The following CSMD1 variants were observed in gnomAD, a reference collection of about 807,000 sequenced individuals.
The protein encoded by CSMD1 is CUB and Sushi multiple domains 1.
In CSMD1, 213 loss-of-function variants were observed where a neutral mutation model predicts 417.5. The observed-to-expected ratio is 0.51, with a 90% CI of 0.46 to 0.57. The LOEUF is 0.57. Ranked by LOEUF, CSMD1 falls within the 20% of genes least tolerant of loss-of-function variation. The probability of loss-of-function intolerance (pLI) is 0.00; values close to 1 mark genes in which losing one functional copy is unlikely to be tolerated. For missense variants in CSMD1, 6,923 were observed against 4,529.7 expected (o/e 1.53, Z -15.17); for synonymous variants, 2,862 against 1,736.8 (o/e 1.65, Z -16.11).
chr8:4,034,463 T>C (rs1585174773), intron 3 of CSMD1, among the ~76,000 whole-genome samples: 1 of 152,218 alleles, frequency 6.6e-6, no homozygotes, highest in African/African-American at 2.4e-5. Context: ...AAATTCTGTA[T>C]TTAATTCCAC....
At chr8:3,158,412 TTGTC>T (rs1354252410) in intron 38 of CSMD1, among the ~76,000 whole-genome samples, 3 of 152,046 alleles carry the variant, frequency 2.0e-5, no homozygotes, top group African/African-American at 7.3e-5. Context: ...GCTTCGGTGG[TTGTC>T]TGTGCTTCCG....
At chr8:4,865,111 A>G (rs1287848130) in intron 1 of CSMD1, among the ~76,000 whole-genome samples, 1 of 151,788 alleles carries the variant, frequency 6.6e-6, no homozygotes, top group Non-Finnish European at 1.5e-5. Context: ...ATTATGTAAT[A>G]GTGATAAAAT....
In CSMD1 at chr8:4,810,292, A is replaced by G. The variant is rs367871499; in HGVS notation, c.86-172734T>C. ...TAATAAAATTCAAATTGATTTTCTC[A>G]TAGTCAAATTTAATATGTTCCTCAA... On this transcript the variant is annotated intron_variant, in intron 1 of 69. Coordinates refer to ENST00000635120, the MANE Select transcript of CSMD1 (RefSeq NM_033225.6). Among the ~76,000 whole-genome samples the G allele has an allele frequency of 2.4e-4, 36 of 152,332 alleles. No homozygotes were observed. In the East Asian group the frequency reaches 5.6e-3, roughly 24 times the overall value.
chr8:3,421,235 A>C (rs534968108), intron 12 of CSMD1, among the ~76,000 whole-genome samples: 1 of 152,316 alleles, frequency 6.6e-6, no homozygotes, highest in East Asian at 1.9e-4. Context: ...TTAAAGTATA[A>C]AAGGTGGTGG....
chr8:4,879,668 T>C (rs1156834898), intron 1 of CSMD1, among the ~76,000 whole-genome samples: 1 of 151,794 alleles, frequency 6.6e-6, no homozygotes, highest in Non-Finnish European at 1.5e-5. Flanking sequence ...AACTGGCCCA[T>C]AGAAAGCAGG....
chr8:4,829,050 C>G (rs1394502538), intron 1 of CSMD1, among the ~76,000 whole-genome samples: 1 of 152,084 alleles, frequency 6.6e-6, no homozygotes, highest in Non-Finnish European at 1.5e-5. Context: ...GTAATGATAA[C>G]TTAATAGGTT....
At chr8:3,770,604 C>A (rs1400720273) in intron 5 of CSMD1, among the ~76,000 whole-genome samples, 1 of 152,172 alleles carries the variant, frequency 6.6e-6, no homozygotes, top group South Asian at 2.1e-4. Flanking sequence ...GCAGAACGGC[C>A]ATAAATGAAG....
chr8:4,405,481 G>C (rs957347384), intron 3 of CSMD1, among the ~76,000 whole-genome samples: 2 of 150,570 alleles, frequency 1.3e-5, no homozygotes, highest in East Asian at 3.9e-4. Context: ...TTGAAAGAGT[G>C]AAGTGAAGTC....
At chr8:3,979,388 C>T (rs937465536) in intron 5 of CSMD1, among the ~76,000 whole-genome samples, 1 of 152,150 alleles carries the variant, frequency 6.6e-6, no homozygotes, top group Non-Finnish European at 1.5e-5. Flanking sequence ...GAGGAGACAT[C>T]AGCGCAGCTA....
intron 10 of CSMD1, among the ~76,000 whole-genome samples, chr8:3,542,601 C>G (rs140950878): frequency 2.6e-5 from 4 of 152,226 alleles, no homozygotes; most frequent in African/African-American, 9.6e-5. Context: ...GCAGGCCTGG[C>G]CTCCTTGAAT....
chr8:4,966,580 G>A (rs1452960740), intron 1 of CSMD1, among the ~76,000 whole-genome samples: 4 of 152,102 alleles, frequency 2.6e-5, no homozygotes, highest in African/African-American at 7.2e-5. Flanking sequence ...ACACTGACAT[G>A]CTAAATACAT....
chr8:3,495,981 G>T (rs996613190), intron 10 of CSMD1, among the ~76,000 whole-genome samples: 1 of 152,108 alleles, frequency 6.6e-6, no homozygotes, highest in Non-Finnish European at 1.5e-5. Flanking sequence ...GTGCCATGGT[G>T]GTTTGCTGCA....
chr8:4,966,493 C>T (rs769451344), intron 1 of CSMD1, among the ~76,000 whole-genome samples: 1 of 152,104 alleles, frequency 6.6e-6, no homozygotes, highest in Non-Finnish European at 1.5e-5. Context: ...GGACACATCG[C>T]GAGGCCCTTA....
At chr8:3,217,625 C>G (rs1034018195) in intron 29 of CSMD1, among the ~76,000 whole-genome samples, 1 of 152,132 alleles carries the variant, frequency 6.6e-6, no homozygotes, top group African/African-American at 2.4e-5. Context: ...TATGATGTGG[C>G]AAAGGCTCAA....
chr8:4,161,729 T>A (rs1022377472), intron 3 of CSMD1, among the ~76,000 whole-genome samples: 5 of 152,320 alleles, frequency 3.3e-5, no homozygotes, highest in Middle Eastern at 3.4e-3. Flanking sequence ...ATTGCTGCCA[T>A]CATTTTTTAC....
At chr8:3,304,865 A>AT (rs1473052389) in intron 25 of CSMD1, among the ~76,000 whole-genome samples, 1 of 152,136 alleles carries the variant, frequency 6.6e-6, no homozygotes, top group Non-Finnish European at 1.5e-5. Flanking sequence ...CACAAAGGAA[A>AT]TTTTAAGAAA....
At chr8:4,741,720 C>A (rs1611925) in intron 1 of CSMD1, among the ~76,000 whole-genome samples, 119 of 152,246 alleles carry the variant, frequency 7.8e-4, no homozygotes, top group African/African-American at 2.4e-3. Context: ...TCCCACATCC[C>A]TGACATAGTA....
intron 6 of CSMD1, among the ~76,000 whole-genome samples, chr8:3,733,134 T>G (rs534849482): frequency 1.3e-5 from 2 of 148,438 alleles, no homozygotes; most frequent in East Asian, 4.0e-4. Context: ...GTGAAAGAAG[T>G]TAGGAATTAG....
intron 3 of CSMD1, among the ~76,000 whole-genome samples, chr8:4,098,440 C>A (rs1044265615): frequency 2.0e-5 from 3 of 151,942 alleles, no homozygotes; most frequent in African/African-American, 7.3e-5. Context: ...ATATGTGCAA[C>A]ATGCATCAGA....
Sources: gnomAD v4.1 joint callset for allele counts (sites outside exome capture counted in the v4.1 genomes callset) on GRCh38, gnomAD v4.1.1 for gene constraint, MANE v1.5 for transcripts, NCBI Gene and HGNC (gene_info 2026-07-23, HGNC 2026-07-21) for gene names.